Variants in NPIPB7 observed in about 807,000 individuals in gnomAD.
NPIPB7 encodes nuclear pore complex interacting protein family member B7.
For synonymous variants in NPIPB7, 9 were observed against 88.1 expected (o/e 0.10, Z 5.03); for missense variants, 14 against 238.5 (o/e 0.06, Z 6.20).
At chr16:28,462,483 T>C (rs1212334990) in intron 4 of NPIPB7, among the ~76,000 whole-genome samples, 191 bp downstream of exon 4, 1 of 140,682 alleles carries the variant, frequency 7.1e-6, no homozygotes, top group African/African-American at 2.6e-5. Flanking sequence ...CCCGAAAAAA[T>C]TACAAACAAG....
chr16:28,461,751 C>A (rs1280575380), intron 4 of NPIPB7, among the ~76,000 whole-genome samples: 3 of 147,558 alleles, frequency 2.0e-5, no homozygotes, highest in Non-Finnish European at 3.0e-5. Flanking sequence ...AGTTCTAGAC[C>A]AGCTTGGCCA....
upstream of NPIPB7, chr16:28,470,568 A>C (rs1297885815): frequency 9.6e-5 from 7 of 72,762 alleles, no homozygotes; most frequent in East Asian, 2.5e-3. Flanking sequence ...GGGGGAGGGG[A>C]AGGGGAGGGG....
rs1328954490 is a variant in NPIPB7 at position 28,461,255 on chromosome 16, G to A, written c.545+1419C>T. ...CAGAAGAGTCATGCATCAGAATAGAGGTAGACAGGAAATACCCTGGCCTTT... is the reference window on the plus strand; with the variant it reads ...CAGAAGAGTCATGCATCAGAATAGAAGTAGACAGGAAATACCCTGGCCTTT... On this transcript the variant is annotated intron_variant, in intron 4 of 6. Transcript: ENST00000452313. 3.1e-5 allele frequency among the ~76,000 whole-genome samples: 4 copies of A among 128,552 alleles called. 1 individual carries two copies. Among genetic ancestry groups the A allele is most frequent in the Admixed American group, 1.7e-4 (2 of 11,806 alleles). The allele number at this position is 128,552 out of a possible 152,430, so 84.3% of individuals were successfully genotyped here. A position where few individuals can be genotyped will look rare whatever the true frequency, so the allele number is the denominator to read the frequency against.
chr16:28,459,468 A>ACT (rs1289348408), intron 4 of NPIPB7, among the ~76,000 whole-genome samples: 2 of 51,184 alleles, frequency 3.9e-5, no homozygotes, highest in East Asian at 7.8e-4. Flanking sequence ...TGTTTTGTGA[A>ACT]CTCTCTCTCT....
chr16:28,468,747 C>T (rs563531825), intron 1 of NPIPB7, among the ~76,000 whole-genome samples: 4 of 119,114 alleles, frequency 3.4e-5, no homozygotes, highest in African/African-American at 1.1e-4. Context: ...GCAGAGGTTG[C>T]AGTGAGCCGA....
Position 28,462,117 on chromosome 16 carries a change from A to G in NPIPB7, c.545+557T>C, listed in dbSNP as rs1157359846. Among the ~76,000 whole-genome samples the G allele has an allele frequency of 1.8e-3, 249 of 137,036 alleles. 6 individuals carry two copies. Among genetic ancestry groups the G allele is most frequent in the African/African-American group, 6.2e-3 (240 of 38,446 alleles). The allele number at this position is 137,036 out of a possible 152,430, so 89.9% of individuals were successfully genotyped here. On this transcript the variant is annotated intron_variant, in intron 4 of 6. Coordinates refer to ENST00000452313, the Ensembl canonical transcript of NPIPB7. The stretch of plus-strand genomic sequence containing the variant: ...GGGCGACAGAGCGAGATTCTATCTC[A>G]AAATTTAAAAAAAAAAAAAAGGCTG...
upstream of NPIPB7, among the ~76,000 whole-genome samples, chr16:28,472,302 G>T (rs1325326691): frequency 6.6e-6 from 1 of 151,426 alleles, no homozygotes; most frequent in Non-Finnish European, 1.5e-5. Flanking sequence ...GGAGGCTGAG[G>T]CAGAGGAGCC....
At chr16:28,469,744 T>A in intron 1 of NPIPB7, 3 of 400,400 alleles carry the variant, frequency 7.5e-6, no homozygotes, top group South Asian at 5.4e-5. Flanking sequence ...ATCCCGGCAC[T>A]GGGAGGCCGA....
At chr16:28,461,759 C>G (rs569848086) in intron 4 of NPIPB7, among the ~76,000 whole-genome samples, 2 of 146,982 alleles carry the variant, frequency 1.4e-5, no homozygotes, top group South Asian at 4.3e-4. Flanking sequence ...ACCAGCTTGG[C>G]CAATATGGTG....
At chr16:28,464,901 T>A (rs1331698764) in intron 2 of NPIPB7, among the ~76,000 whole-genome samples, 4 of 147,570 alleles carry the variant, frequency 2.7e-5, no homozygotes, top group Non-Finnish European at 5.9e-5. Context: ...CAATGGGTAA[T>A]CTAAAAAGAT....
At chr16:28,470,751 G>T (rs1278131349), upstream of NPIPB7, among the ~76,000 whole-genome samples, 1 of 150,484 alleles carries the variant, frequency 6.6e-6, no homozygotes, top group Non-Finnish European at 1.5e-5. Flanking sequence ...GAAAGGATCC[G>T]GTTCAAATTA....
chr16:28,461,794 A>G (rs1833051942), intron 4 of NPIPB7, among the ~76,000 whole-genome samples: 2 of 144,112 alleles, frequency 1.4e-5, no homozygotes, highest in Non-Finnish European at 3.0e-5. Context: ...CTAAGAATAC[A>G]AAAATTATCC....
At chr16:28,471,058 A>G, upstream of NPIPB7, 1 of 428,666 alleles carries the variant, frequency 2.3e-6, no homozygotes, top group Admixed American at 4.8e-5. Context: ...ACTCCTCGCA[A>G]GGACAGGTCC....
chr16:28,470,516 A>C, exon 1 of NPIPB7: 1 of 737,856 alleles, frequency 1.4e-6, no homozygotes, highest in South Asian at 1.6e-5. Flanking sequence ...AGGGAAGGGG[A>C]CGGGGACCGG....
intron 1 of NPIPB7, among the ~76,000 whole-genome samples, chr16:28,470,008 C>A (rs1244089961): frequency 6.8e-6 from 1 of 146,768 alleles, no homozygotes; most frequent in Non-Finnish European, 1.5e-5. Flanking sequence ...CCAGATGACA[C>A]AAATCAAATG....
intron 2 of NPIPB7, among the ~76,000 whole-genome samples, chr16:28,465,722 T>C (rs1302352960): frequency 1.2e-5 from 1 of 82,582 alleles, no homozygotes; most frequent in African/African-American, 4.0e-5. Flanking sequence ...GTGGTATTAG[T>C]ACTTTTATCT....
At chr16:28,469,596 CAAAAAAAT>C (rs2045927754) in intron 1 of NPIPB7, 1 of 226,970 alleles carries the variant, frequency 4.4e-6, no homozygotes, top group African/African-American at 2.7e-5. Context: ...GAAACTGTCT[CAAAAAAAT>C]AAATAAATAA....
upstream of NPIPB7, chr16:28,470,653 A>AG (rs1235158395): frequency 3.6e-5 from 1 of 27,924 alleles, no homozygotes; most frequent in Non-Finnish European, 6.8e-5. Context: ...GGGGAGGGGA[A>AG]GGGGGGAAGT....
intron 1 of NPIPB7, among the ~76,000 whole-genome samples, chr16:28,468,582 G>A (rs2045919582): frequency 7.4e-6 from 1 of 135,002 alleles, no homozygotes; most frequent in East Asian, 2.3e-4. Context: ...GCCGAGGTGG[G>A]TGGACCACGA....
Sources: gnomAD v4.1 joint callset for allele counts (sites outside exome capture counted in the v4.1 genomes callset) on GRCh38, gnomAD v4.1.1 for gene constraint, MANE v1.5 for transcripts, NCBI Gene and HGNC (gene_info 2026-07-23, HGNC 2026-07-21) for gene names.